Variants in CADM2 observed in about 807,000 individuals in gnomAD.
CADM2 encodes cell adhesion molecule 2.
In CADM2, 12 loss-of-function variants were observed where a neutral mutation model predicts 49.8. The ratio of observed to expected loss-of-function variants is 0.24; its 90% CI spans 0.15 to 0.39. The LOEUF is 0.39. CADM2 is among the 10% of genes least tolerant of loss of function. The pLI, the probability that CADM2 is intolerant of heterozygous loss-of-function variation, is 1.00. For missense variants in CADM2, 378 were observed against 492.3 expected, an observed-to-expected ratio of 0.77 and a Z score of 2.20; for synonymous variants, 214 against 175.4, an observed-to-expected ratio of 1.22 and a Z score of -1.74.
At chr3:85,608,546 G>A (rs2063596535) in intron 1 of CADM2, among the ~76,000 whole-genome samples, 1 of 152,106 alleles carries the variant, frequency 6.6e-6, no homozygotes. Context: ...GTTAATTCAA[G>A]ACAGACACAA....
intron 1 of CADM2, among the ~76,000 whole-genome samples, chr3:85,465,598 A>G (rs760910888): frequency 6.6e-6 from 1 of 152,220 alleles, no homozygotes; most frequent in Non-Finnish European, 1.5e-5. Context: ...CAATTTGGAA[A>G]TTAAGATGAG....
At chr3:85,682,134 T>C (rs548230407) in intron 1 of CADM2, among the ~76,000 whole-genome samples, 2 of 152,186 alleles carry the variant, frequency 1.3e-5, no homozygotes, top group South Asian at 4.1e-4. Flanking sequence ...AATTAAACGA[T>C]ACAGCTAAAA....
intron 1 of CADM2, among the ~76,000 whole-genome samples, chr3:85,583,173 A>T (rs1488935336): frequency 6.6e-6 from 1 of 152,162 alleles, no homozygotes; most frequent in East Asian, 1.9e-4. Context: ...GTACCACAGA[A>T]GCAGCTATTA....
chr3:85,666,106 CAG>C (rs773845866), intron 1 of CADM2, among the ~76,000 whole-genome samples: 1 of 151,966 alleles, frequency 6.6e-6, no homozygotes, highest in African/African-American at 2.4e-5. Flanking sequence ...AACAGACAAA[CAG>C]AGAGCCAAAT....
At chr3:85,755,958 T>C (rs2069099647) in intron 2 of CADM2, among the ~76,000 whole-genome samples, 1 of 152,148 alleles carries the variant, frequency 6.6e-6, no homozygotes, top group African/African-American at 2.4e-5. Context: ...AGTTGGGAGA[T>C]GGGGCTGAAA....
intron 1 of CADM2, among the ~76,000 whole-genome samples, chr3:85,679,211 G>A (rs568694988): frequency 1.3e-5 from 2 of 152,170 alleles, no homozygotes; most frequent in Non-Finnish European, 2.9e-5. Flanking sequence ...ATAGAGGGAA[G>A]TGCCAGGGAA....
At chr3:85,460,510 T>C (rs2038196284) in intron 1 of CADM2, among the ~76,000 whole-genome samples, 1 of 152,110 alleles carries the variant, frequency 6.6e-6, no homozygotes, top group Middle Eastern at 3.2e-3. Context: ...AAACCTTAAG[T>C]TTTTGAAGGA....
At chr3:85,899,886 G>A (rs993845651) in intron 5 of CADM2, among the ~76,000 whole-genome samples, 1 of 152,076 alleles carries the variant, frequency 6.6e-6, no homozygotes, top group African/African-American at 2.4e-5. Flanking sequence ...GCACTGATTA[G>A]TTCTTAAGCG....
chr3:85,390,542 G>GTT (rs2034468660), intron 1 of CADM2, among the ~76,000 whole-genome samples: 1 of 152,012 alleles, frequency 6.6e-6, no homozygotes, highest in Admixed American at 6.6e-5. Flanking sequence ...GGTCAGGCCT[G>GTT]TATCCAATGT....
intron 1 of CADM2, among the ~76,000 whole-genome samples, chr3:85,327,720 C>T (rs1224221199): frequency 1.3e-5 from 2 of 152,028 alleles, no homozygotes; most frequent in African/African-American, 2.4e-5. Flanking sequence ...CTATTCTTTT[C>T]TGTTGACAAT....
intron 1 of CADM2, among the ~76,000 whole-genome samples, chr3:85,521,910 G>A (rs1373774044): frequency 6.6e-6 from 1 of 152,088 alleles, no homozygotes; most frequent in Non-Finnish European, 1.5e-5. Context: ...ATGGGATTCT[G>A]CCCTCTCCCT....
chr3:85,809,197 C>T (rs2072650316), intron 3 of CADM2, among the ~76,000 whole-genome samples: 1 of 152,116 alleles, frequency 6.6e-6, no homozygotes, highest in African/African-American at 2.4e-5. Context: ...TTTGAGTTCT[C>T]AACAATACTA....
intron 1 of CADM2, among the ~76,000 whole-genome samples, chr3:85,425,508 C>G (rs1463452552): frequency 6.6e-6 from 1 of 152,110 alleles, no homozygotes; most frequent in Non-Finnish European, 1.5e-5. Context: ...GTGTTTGGAA[C>G]ATTAGAAATC....
In CADM2 at chr3:85,378,215, A is replaced by T. The variant is rs540076188; in HGVS notation, c.62-348307A>T. 9.9e-5 allele frequency among the ~76,000 whole-genome samples: 15 copies of T among 152,106 alleles called. No homozygotes were observed. The East Asian group carries it at 1.4e-3, about 14-fold the overall frequency. ...TGTGCTTTTTAATATGAAGTATAAG[A>T]TCTTACTTGGACCAGGTCTCTGTCT... On this transcript the variant is annotated intron_variant, in intron 1 of 9. Coordinates refer to ENST00000383699, the MANE Select transcript of CADM2 (RefSeq NM_001167675.2).
Position 86,067,351 on chromosome 3 carries a change from T to C in CADM2, c.*568T>C, listed in dbSNP as rs959644024. 6.6e-6 allele frequency: 1 copy of C among 152,632 alleles called. No homozygotes were observed. Among genetic ancestry groups the C allele is most frequent in the Non-Finnish European group, 1.5e-5 (1 of 68,074 alleles). The allele number at this position is 152,632 out of a possible 1,614,324, so 9.5% of individuals were successfully genotyped here. A position where few individuals can be genotyped will look rare whatever the true frequency, so the allele number is the denominator to read the frequency against. ...AAACACTATAGTGTAGTTTTTGGAA[T>C]GTTGGAGATTATACTGGTAAAGCTG... On this transcript the variant is annotated 3_prime_UTR_variant, in exon 10 of 10. Coordinates refer to ENST00000383699, the MANE Select transcript of CADM2 (RefSeq NM_001167675.2).
At position 84,959,849 on chromosome 3, in the gene CADM2, A is replaced by G. The variant is rs72917431; in HGVS notation, c.61+181A>G. ...GTTTGCACCAGCCCCTCGAATTTCT[A>G]ACACTGGCTCAGCCCTGCCTTCCCA... On this transcript the variant is annotated intron_variant, in intron 1 of 9. Transcript: ENST00000383699. Among the ~76,000 whole-genome samples the G allele has an allele frequency of 4.1e-3, 619 of 151,632 alleles. 3 individuals are homozygous for G. The highest frequency in any genetic ancestry group is 0.014 in the African/African-American group (595 of 41,290).
intron 8 of CADM2, among the ~76,000 whole-genome samples, chr3:86,062,792 T>C (rs780997801): frequency 2.6e-5 from 4 of 150,948 alleles, no homozygotes; most frequent in Non-Finnish European, 5.9e-5. Context: ...AAACGAAACA[T>C]AGTGTGTATT....
chr3:85,640,489 A>T (rs2064675319), intron 1 of CADM2, among the ~76,000 whole-genome samples: 1 of 152,218 alleles, frequency 6.6e-6, no homozygotes, highest in Admixed American at 6.5e-5. Context: ...TCACGTATTC[A>T]CCAGGGTTGG....
chr3:85,572,122 C>A (rs1419197548), intron 1 of CADM2, among the ~76,000 whole-genome samples: 1 of 151,982 alleles, frequency 6.6e-6, no homozygotes, highest in African/African-American at 2.4e-5. Flanking sequence ...CATGGCGAAA[C>A]CCTGTCTCTA....
Sources: gnomAD v4.1 joint callset for allele counts (sites outside exome capture counted in the v4.1 genomes callset) on GRCh38, gnomAD v4.1.1 for gene constraint, MANE v1.5 for transcripts, NCBI Gene and HGNC (gene_info 2026-07-23, HGNC 2026-07-21) for gene names.